The following TNFRSF10D variants were observed in gnomAD, a reference collection of about 807,000 sequenced individuals.
TNFRSF10D encodes TNF receptor superfamily member 10d, also known as tumor necrosis factor receptor superfamily member 10D.
A neutral mutation model predicts 42.1 loss-of-function variants in TNFRSF10D; 28 were observed. That is an observed-to-expected ratio of 0.66 (90% confidence interval 0.49 to 0.91). The LOEUF (loss-of-function observed/expected upper bound fraction) is 0.91. Among genes scored for constraint, TNFRSF10D ranks in the 40% least tolerant of loss-of-function variants. TNFRSF10D has a pLI of 0.00. For synonymous variants in TNFRSF10D, 186 were observed against 189.4 expected (o/e 0.98, Z 0.15); for missense variants, 503 against 486.1 (o/e 1.03, Z -0.33).
At position 23,145,377 on chromosome 8, in the gene TNFRSF10D, A is replaced by G. The variant is rs377338304; in HGVS notation, c.737-288T>C. Among the ~76,000 whole-genome samples, 133 of 152,320 alleles carry G rather than the reference A, an allele frequency of 8.7e-4. No individual in the cohort carries two copies. The South Asian group carries it at 0.014, about 16-fold the overall frequency. On this transcript the variant is annotated intron_variant, in intron 5 of 8. Coordinates refer to ENST00000312584, the MANE Select transcript of TNFRSF10D (RefSeq NM_003840.5). ...CCTGACCCTTGTCACCCAGTTGAGGAGCTGACTGCCCCCTGCCTGGCTGGG... is the reference window on the plus strand; with the variant it reads ...CCTGACCCTTGTCACCCAGTTGAGGGGCTGACTGCCCCCTGCCTGGCTGGG...
At chr8:23,138,651 T>G (rs941053924) in intron 7 of TNFRSF10D, among the ~76,000 whole-genome samples, 4 of 152,106 alleles carry the variant, frequency 2.6e-5, no homozygotes, top group Non-Finnish European at 5.9e-5. Context: ...AGACTATATA[T>G]GAGAGCACCC....
In TNFRSF10D at chr8:23,137,250, C is replaced by T. The variant is rs867607814; in HGVS notation, c.*620G>A. ...TAGGGCTACGTCTTGATAATCTCAT[C>T]ATTAAGTCAAAAATATCCGAAACTG... On this transcript the variant is annotated 3_prime_UTR_variant, in exon 9 of 9. Transcript: ENST00000312584. 6.6e-6 allele frequency: 1 copy of T among 152,256 alleles called. No homozygotes were observed. The highest frequency in any genetic ancestry group is 2.4e-5 in the African/African-American group (1 of 41,428). 9.4% of individuals were successfully genotyped at this position (152,256 alleles called of 1,614,324 possible).
At chr8:23,152,676 G>A (rs115169253) in intron 2 of TNFRSF10D, among the ~76,000 whole-genome samples, 937 of 152,258 alleles carry the variant, frequency 6.2e-3, no homozygotes, top group African/African-American at 0.019. Context: ...GACAGAGGTG[G>A]AAGATGTGAA....
intron 1 of TNFRSF10D, among the ~76,000 whole-genome samples, chr8:23,159,139 T>C (rs1205309867): frequency 6.0e-3 from 905 of 152,004 alleles, no homozygotes; most frequent in African/African-American, 0.018. Context: ...TTTATTTTGG[T>C]TTTTGGTTTT....
At chr8:23,154,135 C>A (rs912221797) in intron 2 of TNFRSF10D, among the ~76,000 whole-genome samples, 1 of 152,196 alleles carries the variant, frequency 6.6e-6, no homozygotes, top group African/African-American at 2.4e-5. Context: ...ACAAACACCT[C>A]ATGATCTCAC....
At chr8:23,163,062 C>G (rs1488627069) in intron 1 of TNFRSF10D, among the ~76,000 whole-genome samples, 1 of 146,766 alleles carries the variant, frequency 6.8e-6, no homozygotes, top group African/African-American at 2.5e-5. Flanking sequence ...GCTGGGACTA[C>G]AGGCGCAGGC....
At chr8:23,147,297 A>G (rs1800134023) in intron 3 of TNFRSF10D, among the ~76,000 whole-genome samples, 2 of 152,314 alleles carry the variant, frequency 1.3e-5, no homozygotes, top group African/African-American at 4.8e-5. Flanking sequence ...AGGTTAGGGG[A>G]AAAGCATTGT....
rs1263952169 is a variant in TNFRSF10D, at chr8:23,136,754, A to G, written c.*1116T>C. On this transcript the variant is annotated 3_prime_UTR_variant, in exon 9 of 9. Coordinates refer to ENST00000312584, the MANE Select transcript of TNFRSF10D (RefSeq NM_003840.5). ...CTTCCCAAAGATACCAGGCTCTTCA[A>G]AATCCTGGGCATATGTAAACATCTA... is the stretch of plus-strand genomic sequence containing the variant. The G allele has an allele frequency of 6.6e-6, 1 of 152,146 alleles. No homozygotes were observed. Among genetic ancestry groups the G allele is most frequent in the Non-Finnish European group, 1.5e-5 (1 of 68,018 alleles). 9.4% of individuals were successfully genotyped at this position (152,146 alleles called of 1,614,324 possible).
chr8:23,139,090 C>A (rs371299565), intron 7 of TNFRSF10D, among the ~76,000 whole-genome samples: 6 of 152,138 alleles, frequency 3.9e-5, no homozygotes, highest in Middle Eastern at 3.2e-3. Context: ...TAAGATGAAA[C>A]TACAATATTG....
Position 23,137,900 on chromosome 8 carries a change from A to C in TNFRSF10D, c.1131T>G (p.Asp377Glu), listed in dbSNP as rs769544671. The part of the protein sequence containing the change: ...VGSEKLFYEE[D>E]EAGSATSCL ...GGCAGGACGTAGCAGAGCCTGCCTC[A>C]TCTTCTTCATAAAAGAGCTTTTCGG... Residue 377 changes from aspartate (D) to glutamate (E), a missense_variant, in exon 9 of 9, where the codon GAT (aspartate) becomes GAG (glutamate). Asp to Glu is a conservative substitution (Grantham distance 45). Coordinates refer to ENST00000312584, the MANE Select transcript of TNFRSF10D (RefSeq NM_003840.5). The C allele has an allele frequency of 2.5e-6, 4 of 1,614,052 alleles. No individual in the cohort carries two copies. Among genetic ancestry groups the C allele is most frequent in the African/African-American group, 1.3e-5 (1 of 74,934 alleles).
chr8:23,162,806 A>G (rs762816357), intron 1 of TNFRSF10D, among the ~76,000 whole-genome samples: 1 of 152,074 alleles, frequency 6.6e-6, no homozygotes, highest in Non-Finnish European at 1.5e-5. Context: ...TCAGGGTTCT[A>G]TAGGAAATGA....
At chr8:23,156,843 AGGCGT>A (rs1395228835) in intron 1 of TNFRSF10D, among the ~76,000 whole-genome samples, 2 of 152,228 alleles carry the variant, frequency 1.3e-5, no homozygotes, top group Non-Finnish European at 2.9e-5. Context: ...CTAGGATTAC[AGGCGT>A]AAGCCACCAC....
chr8:23,137,769 G>A lies in TNFRSF10D; in HGVS notation c.*101C>T. ...TGCCCCATATTGGATAGTAGAGTTTGTTGGGGCATGGGTCAAGTACTGGAC... is the reference window on the plus strand; with the variant it reads ...TGCCCCATATTGGATAGTAGAGTTTATTGGGGCATGGGTCAAGTACTGGAC... On this transcript the variant is annotated 3_prime_UTR_variant, in exon 9 of 9. Transcript: ENST00000312584. 1 of 1,467,162 alleles carries A rather than the reference G, an allele frequency of 6.8e-7. No individual in the cohort carries two copies. The highest frequency in any genetic ancestry group is 1.4e-5 in the South Asian group (1 of 72,940). The allele number at this position is 1,467,162 out of a possible 1,614,324, so 90.9% of individuals were successfully genotyped here. A position where few individuals can be genotyped will look rare whatever the true frequency, so the allele number is the denominator to read the frequency against.
chr8:23,141,504 CA>C (rs59373667), intron 7 of TNFRSF10D, among the ~76,000 whole-genome samples: 10,100 of 133,284 alleles, frequency 0.076, 407 homozygotes, highest in South Asian at 0.12. Context: ...GAGTACATCT[CA>C]AAAAAAAAAA....
intron 1 of TNFRSF10D, among the ~76,000 whole-genome samples, chr8:23,162,141 T>C (rs7463799): frequency 0.17 from 25,935 of 152,218 alleles, 2,917 homozygotes; most frequent in East Asian, 0.58. Flanking sequence ...ACATCTAATG[T>C]GATTTGTGCT....
At chr8:23,150,102 T>C (rs547779887) in intron 2 of TNFRSF10D, among the ~76,000 whole-genome samples, 941 of 152,228 alleles carry the variant, frequency 6.2e-3, no homozygotes, top group African/African-American at 0.019. Context: ...AGCTTGTGCC[T>C]TCGGGCTAGC....
At chr8:23,147,507 A>T (rs553295058) in intron 3 of TNFRSF10D, among the ~76,000 whole-genome samples, 1 of 152,350 alleles carries the variant, frequency 6.6e-6, no homozygotes, top group African/African-American at 2.4e-5. Context: ...GCCACGGAGC[A>T]GACCTGTGCC....
intron 7 of TNFRSF10D, among the ~76,000 whole-genome samples, chr8:23,142,960 C>G (rs1005537797): frequency 6.6e-6 from 1 of 151,982 alleles, no homozygotes; most frequent in African/African-American, 2.4e-5. Flanking sequence ...TATGACTCAG[C>G]ACCTTTGTTT....
chr8:23,153,614 T>C (rs1800236525), intron 2 of TNFRSF10D, among the ~76,000 whole-genome samples: 1 of 152,094 alleles, frequency 6.6e-6, no homozygotes. Context: ...GACAGGTATA[T>C]GAAAAAAATG....
Sources: gnomAD v4.1 joint callset for allele counts (sites outside exome capture counted in the v4.1 genomes callset) on GRCh38, gnomAD v4.1.1 for gene constraint, MANE v1.5 for transcripts, NCBI Gene and HGNC (gene_info 2026-07-23, HGNC 2026-07-21) for gene names.